DDHD1: variants seen among roughly 807,000 people sequenced by gnomAD.
The protein encoded by DDHD1 is DDHD domain containing 1.
DDHD1 carries 49 observed loss-of-function variants against 96.4 expected under a neutral mutation model. The ratio of observed to expected loss-of-function variants is 0.51; its 90% confidence interval spans 0.40 to 0.64. The LOEUF (loss-of-function observed/expected upper bound fraction) is 0.64. DDHD1 is among the 30% of genes least tolerant of loss of function. The pLI, the probability that DDHD1 is intolerant of heterozygous loss-of-function variation, is 0.00. For synonymous variants in DDHD1, 442 were observed against 446.5 expected (o/e 0.99, Z 0.13); for missense variants, 1,106 against 1,161.2 (o/e 0.95, Z 0.69).
rs991381512 is a variant in DDHD1, at chr14:53,041,520, T to G, written c.*5248A>C. 8.5e-5 allele frequency: 13 copies of G among 152,198 alleles called. 1 individual carries two copies. The highest frequency in any genetic ancestry group is 1.8e-4 in the Non-Finnish European group (12 of 68,034). 9.4% of individuals were successfully genotyped at this position (152,198 alleles called of 1,614,324 possible). The stretch of plus-strand genomic sequence containing the variant: ...TGGAACAGTTTTGGAGGTGACCTAT[T>G]TGTCATGAATTGATAAAAGGCCCAC... On this transcript the variant is annotated 3_prime_UTR_variant, in exon 13 of 13. Transcript: ENST00000673822.
Position 53,153,298 on chromosome 14 carries a change from T to G in DDHD1, c.-200A>C. Reference sequence around the variant, plus strand: ...CAGCTGCGTTCTGCCGCCGGCCCCATTGTCACGCAGCCCGACGTAGGCGGT... The same window carrying G: ...CAGCTGCGTTCTGCCGCCGGCCCCAGTGTCACGCAGCCCGACGTAGGCGGT... On this transcript the variant is annotated 5_prime_UTR_variant, in exon 1 of 13. It removes an upstream start codon present in the reference 5' UTR. Coordinates refer to ENST00000673822, the MANE Select transcript of DDHD1 (RefSeq NM_001160148.2). 4 of 415,894 alleles carry G rather than the reference T, an allele frequency of 9.6e-6. No individual in the cohort carries two copies. Among genetic ancestry groups the G allele is most frequent in the Admixed American group, 4.6e-5 (1 of 21,924 alleles). 25.8% of individuals were successfully genotyped at this position (415,894 alleles called of 1,614,324 possible).
chr14:53,135,822 T>C (rs751117483), intron 1 of DDHD1, among the ~76,000 whole-genome samples: 3 of 152,224 alleles, frequency 2.0e-5, no homozygotes, highest in Non-Finnish European at 4.4e-5. Flanking sequence ...ACAAAATATA[T>C]GTAACAATGA....
chr14:53,071,487 A>T (rs1201112227), intron 6 of DDHD1, among the ~76,000 whole-genome samples: 2 of 152,128 alleles, frequency 1.3e-5, no homozygotes, highest in Non-Finnish European at 2.9e-5. Context: ...CTTGTACAAG[A>T]TCCTTGTACA....
intron 1 of DDHD1, among the ~76,000 whole-genome samples, chr14:53,144,755 G>A (rs1890861958): frequency 6.6e-6 from 1 of 152,198 alleles, no homozygotes; most frequent in South Asian, 2.1e-4. Context: ...TTAAGTAGTT[G>A]CAGTAAGTTG....
intron 3 of DDHD1, 190 bp downstream of exon 3, chr14:53,093,123 TATA>T (rs1228424437): frequency 3.6e-5 from 14 of 393,880 alleles, no homozygotes; most frequent in South Asian, 6.6e-5. Flanking sequence ...ATTCTAAATA[TATA>T]ATAATTATTC....
At chr14:53,091,194 A>C (rs1213800885) in intron 4 of DDHD1, among the ~76,000 whole-genome samples, 1 of 152,184 alleles carries the variant, frequency 6.6e-6, no homozygotes, top group Admixed American at 6.5e-5. Flanking sequence ...CCTTTCAACA[A>C]AGTTGTTAAT....
At chr14:53,090,425 G>A (rs1315983291) in intron 4 of DDHD1, among the ~76,000 whole-genome samples, 2 of 152,104 alleles carry the variant, frequency 1.3e-5, no homozygotes, top group Admixed American at 6.5e-5. Flanking sequence ...ATATGCACAC[G>A]TATGTTTATT....
chr14:53,048,312 G>A (rs1882209106), intron 12 of DDHD1, among the ~76,000 whole-genome samples: 1 of 151,544 alleles, frequency 6.6e-6, no homozygotes, highest in Non-Finnish European at 1.5e-5. Context: ...ACATTGACAT[G>A]GGCTTTTAAC....
intron 1 of DDHD1, among the ~76,000 whole-genome samples, chr14:53,127,489 C>G (rs1448113112): frequency 6.6e-6 from 1 of 152,154 alleles, no homozygotes; most frequent in Non-Finnish European, 1.5e-5. Flanking sequence ...AATCTCATGC[C>G]AAATTATGGC....
chr14:53,139,297 C>A (rs907463286), intron 1 of DDHD1, among the ~76,000 whole-genome samples: 5 of 152,090 alleles, frequency 3.3e-5, no homozygotes, highest in African/African-American at 4.8e-5. Flanking sequence ...CCCACACCAT[C>A]ATCACCAAGT....
Position 53,063,202 on chromosome 14 carries a change from C to G in DDHD1, c.1507G>C (p.Val503Leu). Reference sequence around the variant, plus strand: ...TTCAGCTCTTGCTGAAGGCCTTTAACTAGCTGTTTGAAATAAGAAAACATT... The same window carrying G: ...TTCAGCTCTTGCTGAAGGCCTTTAAGTAGCTGTTTGAAATAAGAAAACATT... Reference protein sequence around the residue: ...YTSPLYRDELVKGLQQELNRL... With the variant: ...YTSPLYRDELLKGLQQELNRL... The change falls in exon 7 of 13, where the codon GTT (valine) becomes CTT (leucine). Residue 503 changes from valine (V) to leucine (L), a missense_variant. By Grantham distance (32) the Val-to-Leu change is conservative. Coordinates refer to ENST00000673822, the MANE Select transcript of DDHD1 (RefSeq NM_001160148.2). 1 of 1,612,286 alleles carries G rather than the reference C, an allele frequency of 6.2e-7. No homozygotes were observed. The highest frequency in any genetic ancestry group is 8.5e-7 in the Non-Finnish European group (1 of 1,179,470).
At chr14:53,092,186 T>C in intron 3 of DDHD1, 1 of 279,886 alleles carries the variant, frequency 3.6e-6, no homozygotes, top group East Asian at 6.0e-5. Context: ...TATATAAAAA[T>C]TTAAAGCTTC....
intron 4 of DDHD1, among the ~76,000 whole-genome samples, chr14:53,079,243 T>A (rs1472245069): frequency 6.6e-6 from 1 of 152,152 alleles, no homozygotes; most frequent in Non-Finnish European, 1.5e-5. Context: ...TCTTCCTTCC[T>A]CTTCCATTTT....
In DDHD1 at chr14:53,103,666, G is replaced by A; in HGVS notation, c.1012+17C>T. 1 of 1,588,850 alleles carries A rather than the reference G, an allele frequency of 6.3e-7. No individual in the cohort carries two copies. The highest frequency in any genetic ancestry group is 8.6e-7 in the Non-Finnish European group (1 of 1,167,630). On this transcript the variant is annotated intron_variant, in intron 2 of 12. Coordinates refer to ENST00000673822, the MANE Select transcript of DDHD1 (RefSeq NM_001160148.2). ...ACTTGGTTTGTAGAATATATTAAAT[G>A]TATCAATTGATCTTACCATCTTTTC...
chr14:53,038,732 A>G lies in DDHD1; in HGVS notation c.*8036T>C, dbSNP rs922928979. On this transcript the variant is annotated 3_prime_UTR_variant, in exon 13 of 13. Transcript: ENST00000673822. ...ACCAAAGAAAGAGCCTGAATAGCCA[A>G]AGCAACCCAAAGCAGAAAGAACAAA... 1.3e-5 allele frequency: 2 copies of G among 152,212 alleles called. No individual in the cohort carries two copies. The highest frequency in any genetic ancestry group is 2.9e-5 in the Non-Finnish European group (2 of 68,036). The allele number at this position is 152,212 out of a possible 1,614,324, so 9.4% of individuals were successfully genotyped here.
chr14:53,058,396 T>G, intron 9 of DDHD1, 81 bp downstream of exon 9: 6 of 1,470,950 alleles, frequency 4.1e-6, no homozygotes, highest in Non-Finnish European at 5.5e-6. Flanking sequence ...ATTACAAGCG[T>G]GAGCCACTGT....
chr14:53,152,210 C>A, intron 1 of DDHD1, 51 bp downstream of exon 1: 2 of 1,510,290 alleles, frequency 1.3e-6, no homozygotes, highest in East Asian at 2.3e-5. Context: ...CGGTGCGCAT[C>A]GGCCCATGCA....
intron 1 of DDHD1, among the ~76,000 whole-genome samples, chr14:53,136,284 C>CA (rs1428561574): frequency 1.3e-5 from 2 of 152,236 alleles, no homozygotes; most frequent in Non-Finnish European, 2.9e-5. Flanking sequence ...GTTGCTCACA[C>CA]AAAACCTGTT....
At chr14:53,100,966 A>G (rs954874593) in intron 2 of DDHD1, among the ~76,000 whole-genome samples, 1 of 151,984 alleles carries the variant, frequency 6.6e-6, no homozygotes, top group Admixed American at 6.6e-5. Flanking sequence ...GGCTTTGTCT[A>G]CTCTAACAGG....
Sources: allele counts gnomAD v4.1 joint callset (sites outside exome capture counted in the v4.1 genomes callset), GRCh38; gene constraint gnomAD v4.1.1; transcripts MANE v1.5; gene names NCBI Gene and HGNC (gene_info 2026-07-23, HGNC 2026-07-21).